The following RAB3GAP2 variants were observed in gnomAD, a reference collection of about 807,000 sequenced individuals.
RAB3GAP2 encodes the protein rab3 GTPase-activating protein non-catalytic subunit.
RAB3GAP2 carries 87 observed loss-of-function variants against 185.3 expected under a neutral mutation model. The observed-to-expected ratio is 0.47, with a 90% CI of 0.39 to 0.56. RAB3GAP2 has a LOEUF of 0.56. RAB3GAP2 is among the 20% of genes least tolerant of loss of function. RAB3GAP2 has a pLI of 0.00. For missense variants in RAB3GAP2, 1,492 were observed against 1,638.2 expected (o/e 0.91, Z 1.54); for synonymous variants, 554 against 576.1 (o/e 0.96, Z 0.55).
At chr1:220,240,456 TC>T (rs1299794900) in intron 1 of RAB3GAP2, among the ~76,000 whole-genome samples, 1 of 152,190 alleles carries the variant, frequency 6.6e-6, no homozygotes, top group African/African-American at 2.4e-5. Context: ...TACATTCTTA[TC>T]CATTTTTTTC....
At chr1:220,202,974 A>G (rs1658891916) in intron 8 of RAB3GAP2, among the ~76,000 whole-genome samples, 1 of 152,096 alleles carries the variant, frequency 6.6e-6, no homozygotes, top group Non-Finnish European at 1.5e-5. Flanking sequence ...AACAAAAACA[A>G]AGTGAATTCA....
At chr1:220,217,415 T>C (rs552392547) in intron 2 of RAB3GAP2, among the ~76,000 whole-genome samples, 4 of 152,286 alleles carry the variant, frequency 2.6e-5, no homozygotes, top group South Asian at 2.1e-4. Context: ...CCTTTAAAAA[T>C]ACTTTCCCTC....
At position 220,148,523 on chromosome 1, in the gene RAB3GAP2, G is replaced by A. The variant is rs1657666419; in HGVS notation, c.*2728C>T. 1 of 152,142 alleles carries A rather than the reference G, an allele frequency of 6.6e-6. No individual in the cohort carries two copies. The highest frequency in any genetic ancestry group is 2.1e-4 in the South Asian group (1 of 4,830). The allele number at this position is 152,142 out of a possible 1,614,324, so 9.4% of individuals were successfully genotyped here. ...CCCATTCCTATCAGGGTGAGAGAGG[G>A]CTTTTGCTGTTGCTATAGTGTACTG... On this transcript the variant is annotated 3_prime_UTR_variant, in exon 35 of 35. Coordinates refer to ENST00000358951, the MANE Select transcript of RAB3GAP2 (RefSeq NM_012414.4).
chr1:220,203,971 A>T (rs1028428106), intron 8 of RAB3GAP2, among the ~76,000 whole-genome samples: 6 of 152,170 alleles, frequency 3.9e-5, no homozygotes, highest in African/African-American at 1.4e-4. Flanking sequence ...GGAAAAGAAA[A>T]GTCTTATAAT....
At chr1:220,174,976 G>C (rs1658259952) in intron 21 of RAB3GAP2, among the ~76,000 whole-genome samples, 1 of 152,032 alleles carries the variant, frequency 6.6e-6, no homozygotes, top group Non-Finnish European at 1.5e-5. Context: ...TTCACCACTA[G>C]GTAGGCTGAA....
rs779293039 is a variant in RAB3GAP2, at chr1:220,151,333, A to C, written c.4100T>G (p.Leu1367Arg). 1 of 1,614,064 alleles carries C rather than the reference A, an allele frequency of 6.2e-7. No homozygotes were observed. Among genetic ancestry groups the C allele is most frequent in the Non-Finnish European group, 8.5e-7 (1 of 1,180,012 alleles). ...TAKLVNKVIELLPEKHGQYGL... is the reference protein window; with the variant it reads ...TAKLVNKVIERLPEKHGQYGL... ...ATATTGCCCATGTTTTTCTGGTAAA[A>C]GCTCAATTACTTTATTTACTAGTTT... Residue 1367 changes from leucine to arginine, a missense_variant, in exon 35 of 35, where the codon CTT becomes CGT. By Grantham distance (102) the Leu-to-Arg change is moderately radical. Transcript: ENST00000358951.
intron 32 of RAB3GAP2, 85 bp downstream of exon 32, chr1:220,153,883 T>C: frequency 6.3e-7 from 1 of 1,580,180 alleles, no homozygotes; most frequent in Non-Finnish European, 8.6e-7. Flanking sequence ...TAGAAAGTAG[T>C]CATTCTTTTC....
At chr1:220,209,914 G>C (rs1659047307) in intron 7 of RAB3GAP2, among the ~76,000 whole-genome samples, 1 of 152,174 alleles carries the variant, frequency 6.6e-6, no homozygotes. Flanking sequence ...TTTCTCAGTT[G>C]AAATCTTCAA....
At chr1:220,152,136 T>C (rs1055711520) in intron 33 of RAB3GAP2, among the ~76,000 whole-genome samples, 2 of 152,144 alleles carry the variant, frequency 1.3e-5, no homozygotes, top group South Asian at 2.1e-4. Flanking sequence ...AGTGCAGTGG[T>C]GCAATCTCAG....
At chr1:220,179,477 T>A (rs973137089) in intron 21 of RAB3GAP2, among the ~76,000 whole-genome samples, 2 of 152,038 alleles carry the variant, frequency 1.3e-5, no homozygotes, top group African/African-American at 4.8e-5. Context: ...AGGTAGAACA[T>A]CAATAAAGAA....
At chr1:220,210,338 G>A in intron 7 of RAB3GAP2, 50 bp downstream of exon 7, 1 of 1,350,028 alleles carries the variant, frequency 7.4e-7, no homozygotes, top group Non-Finnish European at 1.1e-6. Context: ...GAGAGAAACT[G>A]CTTCAAAATA....
chr1:220,149,004 CTCA>C lies in RAB3GAP2; in HGVS notation c.*2244_*2246del, dbSNP rs1230496980. 2 of 152,176 alleles carry C rather than the reference CTCA, an allele frequency of 1.3e-5. No individual in the cohort carries two copies. Among genetic ancestry groups the C allele is most frequent in the Non-Finnish European group, 2.9e-5 (2 of 68,026 alleles). The allele number at this position is 152,176 out of a possible 1,614,324, so 9.4% of individuals were successfully genotyped here. On this transcript the variant is annotated 3_prime_UTR_variant, in exon 35 of 35. Coordinates refer to ENST00000358951, the MANE Select transcript of RAB3GAP2 (RefSeq NM_012414.4). ...GGAAAACACTACTGGTTACTGGCTT[CTCA>C]TCAATAACTACAAAGTACCACATAC...
intron 1 of RAB3GAP2, among the ~76,000 whole-genome samples, chr1:220,252,445 G>A (rs1659952077): frequency 2.0e-5 from 3 of 152,290 alleles, no homozygotes; most frequent in Non-Finnish European, 2.9e-5. Flanking sequence ...AGCTTATGGA[G>A]AGAAATGAAA....
chr1:220,164,910 A>G, intron 26 of RAB3GAP2, 111 bp from the exon 27 acceptor site: 1 of 1,002,818 alleles, frequency 1.0e-6, no homozygotes, highest in Non-Finnish European at 1.5e-6. Flanking sequence ...CCACCTAAGA[A>G]TGTTGCAATA....
intron 26 of RAB3GAP2, among the ~76,000 whole-genome samples, chr1:220,165,783 T>C (rs1229485153): frequency 1.3e-5 from 2 of 152,204 alleles, no homozygotes; most frequent in African/African-American, 2.4e-5. Context: ...TAACTACTAT[T>C]ACAGCCCTCA....
intron 7 of RAB3GAP2, among the ~76,000 whole-genome samples, chr1:220,208,552 A>G (rs1202065718): frequency 6.6e-6 from 1 of 152,168 alleles, no homozygotes; most frequent in Non-Finnish European, 1.5e-5. Flanking sequence ...CAAACTCAAC[A>G]TGTGCAAAAC....
In RAB3GAP2 at chr1:220,151,722, G is replaced by A; in HGVS notation, c.3910C>T (p.Leu1304=). 1 of 1,611,996 alleles carries A rather than the reference G, an allele frequency of 6.2e-7. No individual in the cohort carries two copies. Among genetic ancestry groups the A allele is most frequent in the Non-Finnish European group, 8.5e-7 (1 of 1,178,058 alleles). ...AGCCTTTGCCCCGTGAGCACCAGCAGCTGAGAGGCAAGGACCTCTTTGTCA... is the reference window on the plus strand; with the variant it reads ...AGCCTTTGCCCCGTGAGCACCAGCAACTGAGAGGCAAGGACCTCTTTGTCA... ...VHDKEVLASQ[L]LVLTGQRLAH... Residue 1304 remains leucine (L), a synonymous_variant, in exon 34 of 35, where the codon CTG becomes TTG. Transcript: ENST00000358951.
intron 1 of RAB3GAP2, among the ~76,000 whole-genome samples, chr1:220,270,577 A>G (rs1364875465): frequency 2.0e-5 from 3 of 152,336 alleles, no homozygotes; most frequent in Middle Eastern, 3.4e-3. Context: ...TACAATGCCC[A>G]TCACCAGACC....
At chr1:220,166,502 G>T (rs1156737586) in intron 26 of RAB3GAP2, among the ~76,000 whole-genome samples, 2 of 152,178 alleles carry the variant, frequency 1.3e-5, no homozygotes, top group African/African-American at 2.4e-5. Flanking sequence ...TTAAAAAGGA[G>T]GTGGAAGGAG....
Sources: allele counts gnomAD v4.1 joint callset (sites outside exome capture counted in the v4.1 genomes callset), GRCh38; gene constraint gnomAD v4.1.1; transcripts MANE v1.5; gene names NCBI Gene and HGNC (gene_info 2026-07-23, HGNC 2026-07-21).